Variants in DLG2 observed in about 807,000 individuals in gnomAD.
DLG2 encodes discs large MAGUK scaffold protein 2, also known as disks large homolog 2.
In DLG2, 45 loss-of-function variants were observed where a neutral mutation model predicts 132.5. That is an observed-to-expected ratio of 0.34 (90% CI 0.27 to 0.44). The LOEUF (loss-of-function observed/expected upper bound fraction) is 0.44. Ranked by LOEUF, DLG2 falls within the 20% of genes least tolerant of loss-of-function variation. The probability of loss-of-function intolerance (pLI) is 1.00; values close to 1 mark genes in which losing one functional copy is unlikely to be tolerated. For missense variants in DLG2, 1,045 were observed against 1,196.9 expected (o/e 0.87, Z 1.87); for synonymous variants, 424 against 419.6 (o/e 1.01, Z -0.13).
chr11:84,671,974 G>T (rs573091466), intron 6 of DLG2, among the ~76,000 whole-genome samples: 30 of 152,274 alleles, frequency 2.0e-4, no homozygotes, highest in Admixed American at 1.2e-3. Context: ...GACTATATAA[G>T]TATCTAGCTC....
At chr11:84,226,360 G>A (rs1023805563) in intron 8 of DLG2, among the ~76,000 whole-genome samples, 1 of 152,092 alleles carries the variant, frequency 6.6e-6, no homozygotes, top group Non-Finnish European at 1.5e-5. Context: ...TAACCACTCA[G>A]CTACCTTAAA....
At chr11:83,525,296 T>C (rs2095579099) in intron 21 of DLG2, among the ~76,000 whole-genome samples, 1 of 152,154 alleles carries the variant, frequency 6.6e-6, no homozygotes, top group South Asian at 2.1e-4. Flanking sequence ...CAGACAGTTA[T>C]CTGTGTGCTG....
chr11:84,502,162 CTCTCTCTCTCTCTTTCTCTCT>C (rs2099209352), intron 7 of DLG2, among the ~76,000 whole-genome samples: 1 of 46,678 alleles, frequency 2.1e-5, no homozygotes, highest in African/African-American at 2.2e-4. Context: ...TCCTTCCTTT[CTCTCTCTCTCTCTTTCTCTCT>C]CTTTCTCTCT....
intron 7 of DLG2, among the ~76,000 whole-genome samples, chr11:84,325,973 A>T (rs151048102): frequency 1.1e-4 from 16 of 152,058 alleles, no homozygotes; most frequent in African/African-American, 3.6e-4. Flanking sequence ...CAGTTTTGGA[A>T]GGTTATATGT....
chr11:85,322,449 G>A (rs1400410097), intron 3 of DLG2, among the ~76,000 whole-genome samples: 1 of 152,062 alleles, frequency 6.6e-6, no homozygotes, highest in African/African-American at 2.4e-5. Flanking sequence ...ATCACACAAT[G>A]GGAAAGGTTT....
chr11:85,319,390 T>C (rs905635822), intron 3 of DLG2, among the ~76,000 whole-genome samples: 1 of 151,836 alleles, frequency 6.6e-6, no homozygotes, highest in African/African-American at 2.4e-5. Flanking sequence ...TATGAAACAT[T>C]TTAATAGATG....
At chr11:85,135,412 A>G (rs2076077197) in intron 5 of DLG2, among the ~76,000 whole-genome samples, 1 of 152,232 alleles carries the variant, frequency 6.6e-6, no homozygotes, top group Non-Finnish European at 1.5e-5. Context: ...ATTGGATAGC[A>G]GAGTAAGATG....
chr11:84,297,152 G>A (rs546878511), intron 7 of DLG2, among the ~76,000 whole-genome samples: 3 of 148,616 alleles, frequency 2.0e-5, no homozygotes, highest in African/African-American at 2.5e-5. Context: ...ACACCTAGAC[G>A]AGCATGATTG....
intron 6 of DLG2, among the ~76,000 whole-genome samples, chr11:85,029,348 G>A (rs1592944963): frequency 6.6e-6 from 1 of 152,268 alleles, no homozygotes; most frequent in Non-Finnish European, 1.5e-5. Context: ...ACTGATGTAG[G>A]TGACAATACA....
chr11:84,692,921 G>A (rs572811250), intron 6 of DLG2, among the ~76,000 whole-genome samples: 14 of 151,790 alleles, frequency 9.2e-5, no homozygotes, highest in South Asian at 6.2e-4. Flanking sequence ...TCACTACAAC[G>A]GAAAGGGAAA....
intron 21 of DLG2, among the ~76,000 whole-genome samples, chr11:83,518,447 T>C (rs1274745632): frequency 6.6e-6 from 1 of 152,212 alleles, no homozygotes; most frequent in Non-Finnish European, 1.5e-5. Context: ...GGAAAGGGAA[T>C]TCCCTGACCT....
At chr11:84,000,017 C>T (rs2094261339) in intron 11 of DLG2, among the ~76,000 whole-genome samples, 1 of 149,524 alleles carries the variant, frequency 6.7e-6, no homozygotes, top group Admixed American at 6.7e-5. Context: ...AGTAACAGAT[C>T]CCAAGCAAAA....
intron 19 of DLG2, among the ~76,000 whole-genome samples, chr11:83,609,713 C>T (rs2059838167): frequency 6.6e-6 from 1 of 152,138 alleles, no homozygotes; most frequent in African/African-American, 2.4e-5. Context: ...ATTTGAAATT[C>T]ATGACATATA....
chr11:83,839,892 C>T (rs888549952), intron 16 of DLG2, among the ~76,000 whole-genome samples: 3 of 152,204 alleles, frequency 2.0e-5, no homozygotes, highest in Non-Finnish European at 4.4e-5. Flanking sequence ...CCTTCATCCC[C>T]TCTAATTCAG....
chr11:83,753,483 C>A (rs1042318552), intron 18 of DLG2, among the ~76,000 whole-genome samples: 4 of 151,608 alleles, frequency 2.6e-5, no homozygotes, highest in African/African-American at 7.3e-5. Context: ...ACTCATGGCT[C>A]TTTGACCAAA....
At chr11:84,722,843 A>G (rs1268342564) in intron 6 of DLG2, among the ~76,000 whole-genome samples, 1 of 152,144 alleles carries the variant, frequency 6.6e-6, no homozygotes, top group East Asian at 1.9e-4. Flanking sequence ...TGCCTAGTAG[A>G]TTTCTCCATT....
At chr11:84,064,854 C>G (rs995412920) in intron 10 of DLG2, among the ~76,000 whole-genome samples, 1 of 151,984 alleles carries the variant, frequency 6.6e-6, no homozygotes, top group African/African-American at 2.4e-5. Context: ...CAGCAAGGTA[C>G]TGGTACAAAA....
At chr11:84,669,301 G>A (rs531616214) in intron 6 of DLG2, among the ~76,000 whole-genome samples, 2 of 152,106 alleles carry the variant, frequency 1.3e-5, no homozygotes, top group African/African-American at 4.8e-5. Context: ...AGTATGGCTA[G>A]AGACAAGGAT....
At chr11:85,476,531 T>A (rs541796856) in intron 3 of DLG2, among the ~76,000 whole-genome samples, 1 of 152,298 alleles carries the variant, frequency 6.6e-6, no homozygotes, top group African/African-American at 2.4e-5. Flanking sequence ...ACATTTTAGC[T>A]TAAAACACAA....
Sources: gnomAD v4.1 joint callset for allele counts (sites outside exome capture counted in the v4.1 genomes callset) on GRCh38, gnomAD v4.1.1 for gene constraint, MANE v1.5 for transcripts, NCBI Gene and HGNC (gene_info 2026-07-23, HGNC 2026-07-21) for gene names.